ALCAM: variants seen among roughly 807,000 people sequenced by gnomAD.
ALCAM encodes CD166 antigen.
Under a neutral mutation model 70.9 loss-of-function variants are expected in ALCAM, and 30 were observed. That is an observed-to-expected ratio of 0.42 (90% CI 0.32 to 0.57). ALCAM has a LOEUF of 0.57. ALCAM is among the 20% of genes least tolerant of loss of function. The pLI is 0.11. For missense variants in ALCAM, 591 were observed against 695.1 expected (o/e 0.85, Z 1.68); for synonymous variants, 249 against 242.5 (o/e 1.03, Z -0.25).
At chr3:105,442,780 CA>C (rs372141197) in intron 1 of ALCAM, among the ~76,000 whole-genome samples, 64 of 138,022 alleles carry the variant, frequency 4.6e-4, no homozygotes, top group East Asian at 1.5e-3. Context: ...GATTCCGTCT[CA>C]AAAAAAAAAA....
chr3:105,495,356 A>G (rs1319730201), intron 1 of ALCAM, among the ~76,000 whole-genome samples: 2 of 152,316 alleles, frequency 1.3e-5, no homozygotes, highest in East Asian at 3.9e-4. Context: ...TTTTTGATAA[A>G]AACTGCAGTA....
chr3:105,448,600 G>A (rs1049490129), intron 1 of ALCAM, among the ~76,000 whole-genome samples: 2 of 152,108 alleles, frequency 1.3e-5, no homozygotes, highest in African/African-American at 4.8e-5. Flanking sequence ...GGAGAGCTTT[G>A]CCTTAGGAAG....
Position 105,551,701 on chromosome 3 carries a change from A to G in ALCAM, c.1508-443A>G, listed in dbSNP as rs543663548. ...CCTCTACTCCTACTACTTTGAGAAC[A>G]TCTCTAGTGGTAAGTCCTTGACACT... On this transcript the variant is annotated intron_variant, in intron 12 of 15. Coordinates refer to ENST00000306107, the MANE Select transcript of ALCAM (RefSeq NM_001627.4). 1.7e-3 allele frequency among the ~76,000 whole-genome samples: 264 copies of G among 151,686 alleles called. 1 individual carries two copies. Among genetic ancestry groups the G allele is most frequent in the African/African-American group, 6.1e-3 (251 of 41,468 alleles).
intron 1 of ALCAM, among the ~76,000 whole-genome samples, chr3:105,445,412 A>C (rs1471460952): frequency 1.3e-5 from 2 of 152,210 alleles, no homozygotes; most frequent in African/African-American, 4.8e-5. Flanking sequence ...TATTCAAAAC[A>C]ATCTACAGAT....
At position 105,576,233 on chromosome 3, in the gene ALCAM, C is replaced by A. The variant is rs1323374177; in HGVS notation, c.*1782C>A. On this transcript the variant is annotated 3_prime_UTR_variant, in exon 16 of 16. Coordinates refer to ENST00000306107, the MANE Select transcript of ALCAM (RefSeq NM_001627.4). ...TTAAACCAAAGTAAAAGGGGAAAAA[C>A]CAAAGTTATTTGTTTTGCATGGCTA... 1 of 152,426 alleles carries A rather than the reference C, an allele frequency of 6.6e-6. No individual in the cohort carries two copies. The highest frequency in any genetic ancestry group is 1.5e-5 in the Non-Finnish European group (1 of 67,986). The allele number at this position is 152,426 out of a possible 1,614,324, so 9.4% of individuals were successfully genotyped here.
At chr3:105,470,132 T>TACACAC (rs35560211) in intron 1 of ALCAM, among the ~76,000 whole-genome samples, 125 of 145,814 alleles carry the variant, frequency 8.6e-4, no homozygotes, top group African/African-American at 2.5e-3. Context: ...GTTATATACA[T>TACACAC]ACACACACAC....
At chr3:105,552,265 C>A in intron 13 of ALCAM, 83 bp downstream of exon 13, 3 of 1,408,776 alleles carry the variant, frequency 2.1e-6, no homozygotes, top group Non-Finnish European at 2.9e-6. Flanking sequence ...ATTTTCTTAG[C>A]TGTCCACAAT....
At chr3:105,547,622 T>G (rs756812900) in intron 11 of ALCAM, 99 bp downstream of exon 11, 26 of 1,470,128 alleles carry the variant, frequency 1.8e-5, no homozygotes, top group Non-Finnish European at 2.4e-5. Context: ...CACATAAAAT[T>G]TGCAGTGTGT....
chr3:105,423,882 G>A (rs537188129), intron 1 of ALCAM, among the ~76,000 whole-genome samples: 1 of 151,720 alleles, frequency 6.6e-6, no homozygotes, highest in Non-Finnish European at 1.5e-5. Context: ...GATTCATGAT[G>A]ACTATTCTGT....
At chr3:105,527,042 T>G (rs916754446) in intron 3 of ALCAM, among the ~76,000 whole-genome samples, 2 of 152,100 alleles carry the variant, frequency 1.3e-5, no homozygotes, top group Non-Finnish European at 2.9e-5. Flanking sequence ...GCTTGTTTAA[T>G]TTTAAGCTAT....
chr3:105,471,390 C>T (rs995098033), intron 1 of ALCAM, among the ~76,000 whole-genome samples: 2 of 151,204 alleles, frequency 1.3e-5, no homozygotes, highest in Non-Finnish European at 3.0e-5. Flanking sequence ...TGATTATTAT[C>T]CCACAAAAAA....
chr3:105,506,752 T>C (rs1251567395), intron 1 of ALCAM, among the ~76,000 whole-genome samples: 1 of 152,242 alleles, frequency 6.6e-6, no homozygotes, highest in Admixed American at 6.5e-5. Flanking sequence ...AAAGCCATTG[T>C]CTCTTTTAAA....
intron 7 of ALCAM, among the ~76,000 whole-genome samples, chr3:105,540,475 C>G (rs1487695437): frequency 6.6e-6 from 1 of 152,022 alleles, no homozygotes; most frequent in Non-Finnish European, 1.5e-5. Context: ...CCCGAACACA[C>G]CTCTAACCCT....
At chr3:105,491,318 C>T (rs547351735) in intron 1 of ALCAM, among the ~76,000 whole-genome samples, 183 of 152,278 alleles carry the variant, frequency 1.2e-3, no homozygotes, top group Middle Eastern at 6.8e-3. Context: ...GATTGGCTGA[C>T]GCGAAGGTCT....
At chr3:105,429,371 G>C (rs1174136523) in intron 1 of ALCAM, among the ~76,000 whole-genome samples, 1 of 151,884 alleles carries the variant, frequency 6.6e-6, no homozygotes, top group Non-Finnish European at 1.5e-5. Flanking sequence ...GCTTACCAAA[G>C]CCCATTGGAT....
At chr3:105,514,121 G>A (rs1939317793) in intron 1 of ALCAM, among the ~76,000 whole-genome samples, 1 of 151,834 alleles carries the variant, frequency 6.6e-6, no homozygotes, top group Non-Finnish European at 1.5e-5. Flanking sequence ...CAGTCCCACA[G>A]CATTTGGTTT....
intron 1 of ALCAM, among the ~76,000 whole-genome samples, chr3:105,501,136 T>C (rs909311970): frequency 6.6e-6 from 1 of 152,190 alleles, no homozygotes; most frequent in African/African-American, 2.4e-5. Flanking sequence ...GGGCGAGTGC[T>C]TCGAAGGCTC....
At position 105,498,023 on chromosome 3, in the gene ALCAM, TC is replaced by T. The variant is rs775354736; in HGVS notation, c.74-22043del. On this transcript the variant is annotated intron_variant, in intron 1 of 15. Coordinates refer to ENST00000306107, the MANE Select transcript of ALCAM (RefSeq NM_001627.4). ...TCAAGCCTGGGCGACAGAGCGAGAC[TC>T]TGCCTCAAAAAAAAAAAAAAAGGGG... 8.4e-4 allele frequency among the ~76,000 whole-genome samples: 123 copies of T among 145,938 alleles called. 1 individual carries two copies. The South Asian group carries it at 9.8e-3, about 12-fold the overall frequency.
chr3:105,428,389 TC>T (rs1936844982), intron 1 of ALCAM, among the ~76,000 whole-genome samples: 6 of 152,074 alleles, frequency 3.9e-5, no homozygotes, highest in Admixed American at 2.6e-4. Context: ...AAAAGATTTT[TC>T]TAAAAGTTCA....
Sources: gnomAD v4.1 joint callset for allele counts (sites outside exome capture counted in the v4.1 genomes callset) on GRCh38, gnomAD v4.1.1 for gene constraint, MANE v1.5 for transcripts, NCBI Gene and HGNC (gene_info 2026-07-23, HGNC 2026-07-21) for gene names.